FGF12: variants seen among roughly 807,000 people sequenced by gnomAD.
FGF12 encodes the protein fibroblast growth factor 12B.
A neutral mutation model predicts 23.6 loss-of-function variants in FGF12; 14 were observed. That is an observed-to-expected ratio of 0.59 (90% CI 0.39 to 0.93). The LOEUF (loss-of-function observed/expected upper bound fraction) is 0.93. Ranked by LOEUF, FGF12 falls within the 40% of genes least tolerant of loss-of-function variation. The probability of loss-of-function intolerance (pLI) is 0.00; values close to 1 mark genes in which losing one functional copy is unlikely to be tolerated. For synonymous variants in FGF12, 62 were observed against 77.3 expected (o/e 0.80, Z 1.04); for missense variants, 175 against 217.8 (o/e 0.80, Z 1.24).
rs1366570375 is a variant in FGF12 at position 192,409,032 on chromosome 3, C to T, written c.14-48494G>A. The T allele has an allele frequency of 1.0e-6, 1 of 983,104 alleles. No individual in the cohort carries two copies. The highest frequency in any genetic ancestry group is 1.8e-5 in the African/African-American group (1 of 56,408). The allele number at this position is 983,104 out of a possible 1,614,324, so 60.9% of individuals were successfully genotyped here. The stretch of plus-strand genomic sequence containing the variant: ...CTGTTTCCAGCTGCGGTGAGAGCAA[C>T]TCCCGGCCAGCAGCACTGCAAAGAG... On this transcript the variant is annotated intron_variant, in intron 2 of 5. Transcript: ENST00000445105. This position sits in a 1 kb window ranked among gnomAD's most constrained non-coding sequence, Gnocchi z 4.8.
chr3:192,711,350 G>T (rs560403735), intron 2 of FGF12, among the ~76,000 whole-genome samples: 2 of 151,474 alleles, frequency 1.3e-5, no homozygotes, highest in Non-Finnish European at 2.9e-5. Flanking sequence ...CCGCCCAGCC[G>T]CCGTCCCGTC....
chr3:192,318,416 G>A lies in FGF12; in HGVS notation c.228+16945C>T, dbSNP rs569190104. Reference sequence around the variant, plus strand: ...AGAAGAATCAAGGATAAGTTCTAGAGTTGGAAAACGCAACTGACATAGTGA... The same window carrying A: ...AGAAGAATCAAGGATAAGTTCTAGAATTGGAAAACGCAACTGACATAGTGA... On this transcript the variant is annotated intron_variant, in intron 4 of 5. Transcript: ENST00000445105. Among the ~76,000 whole-genome samples the A allele has an allele frequency of 2.0e-5, 3 of 152,282 alleles. No individual in the cohort carries two copies. The South Asian group carries it at 6.2e-4, about 32-fold the overall frequency.
chr3:192,263,028 T>G (rs1712858163), intron 4 of FGF12, among the ~76,000 whole-genome samples: 1 of 152,078 alleles, frequency 6.6e-6, no homozygotes, highest in Non-Finnish European at 1.5e-5. Context: ...AGCCTTTTCC[T>G]TTTAATTATG....
At chr3:192,216,784 G>C (rs1718213420) in intron 4 of FGF12, among the ~76,000 whole-genome samples, 1 of 152,164 alleles carries the variant, frequency 6.6e-6, no homozygotes, top group Non-Finnish European at 1.5e-5. Flanking sequence ...CTGAGGCCCA[G>C]AGAAATGCAA....
intron 4 of FGF12, among the ~76,000 whole-genome samples, chr3:192,231,280 G>GC (rs1252901455): frequency 6.6e-6 from 1 of 150,906 alleles, no homozygotes; most frequent in African/African-American, 2.4e-5. Flanking sequence ...TAGGTCACAG[G>GC]CCCCCCTTTT....
intron 2 of FGF12, among the ~76,000 whole-genome samples, chr3:192,428,517 A>T (rs1560108348): frequency 6.6e-6 from 1 of 152,194 alleles, no homozygotes; most frequent in Non-Finnish European, 1.5e-5. Context: ...TTAAAAAAGA[A>T]AAAAGAAAAA....
chr3:192,428,391 T>G (rs960435463), intron 2 of FGF12, among the ~76,000 whole-genome samples: 29 of 152,190 alleles, frequency 1.9e-4, no homozygotes, highest in African/African-American at 6.8e-4. Flanking sequence ...GGGAAATAAA[T>G]TACTATGTCT....
At chr3:192,600,891 G>T (rs940774520) in intron 2 of FGF12, among the ~76,000 whole-genome samples, 2 of 152,016 alleles carry the variant, frequency 1.3e-5, no homozygotes, top group South Asian at 2.1e-4. Context: ...CAGTATGGAG[G>T]TTCCTCAAAA....
At chr3:192,245,426 A>C (rs1711518056) in intron 4 of FGF12, among the ~76,000 whole-genome samples, 1 of 151,888 alleles carries the variant, frequency 6.6e-6, no homozygotes, top group East Asian at 1.9e-4. Context: ...CCAAGGACTT[A>C]CTGTTTACTC....
At chr3:192,323,111 C>T (rs1716635033) in intron 4 of FGF12, among the ~76,000 whole-genome samples, 1 of 152,186 alleles carries the variant, frequency 6.6e-6, no homozygotes, top group Non-Finnish European at 1.5e-5. Flanking sequence ...AAAACTTCAA[C>T]ACTGTTGATA....
chr3:192,369,418 T>G (rs1424094901), intron 2 of FGF12, among the ~76,000 whole-genome samples: 1 of 152,212 alleles, frequency 6.6e-6, no homozygotes, highest in Non-Finnish European at 1.5e-5. Flanking sequence ...TTGCCTCACA[T>G]TTCAACAGGA....
intron 2 of FGF12, among the ~76,000 whole-genome samples, chr3:192,442,975 T>G (rs1306789131): frequency 1.3e-5 from 2 of 151,830 alleles, no homozygotes; most frequent in African/African-American, 2.4e-5. Flanking sequence ...GCCCGGCTAA[T>G]TTTTTGTATT....
intron 4 of FGF12, among the ~76,000 whole-genome samples, chr3:192,299,885 C>G (rs1237393734): frequency 2.0e-5 from 3 of 152,152 alleles, no homozygotes; most frequent in Non-Finnish European, 4.4e-5. Context: ...GATAGTCTTT[C>G]CACAGATACA....
chr3:192,401,580 G>C (rs1720762992), intron 2 of FGF12, among the ~76,000 whole-genome samples: 1 of 152,110 alleles, frequency 6.6e-6, no homozygotes, highest in Non-Finnish European at 1.5e-5. Context: ...CTGTTCCCTT[G>C]CTTCTACTCT....
chr3:192,274,659 T>C (rs1328380448), intron 4 of FGF12, among the ~76,000 whole-genome samples: 1 of 152,176 alleles, frequency 6.6e-6, no homozygotes, highest in African/African-American at 2.4e-5. Flanking sequence ...CCCCTGGCTT[T>C]TCTGAAGTTG....
chr3:192,423,004 C>G (rs1285285146), intron 2 of FGF12, among the ~76,000 whole-genome samples: 1 of 152,090 alleles, frequency 6.6e-6, no homozygotes, highest in African/African-American at 2.4e-5. Flanking sequence ...CCATGCTTTC[C>G]CCTTCCAAAT....
chr3:192,282,986 C>T (rs1426557946), intron 4 of FGF12: 1 of 152,008 alleles, frequency 6.6e-6, no homozygotes, highest in Non-Finnish European at 1.5e-5. Flanking sequence ...AAGGGATGAC[C>T]ATGTTTTGCA....
chr3:192,200,919 G>T (rs1447842832), intron 4 of FGF12, among the ~76,000 whole-genome samples: 1 of 151,546 alleles, frequency 6.6e-6, no homozygotes, highest in Non-Finnish European at 1.5e-5. Flanking sequence ...AAAAAAAAAT[G>T]AGTGAGTAGG....
chr3:192,690,586 CAAAAA>C (rs35837229), intron 2 of FGF12, among the ~76,000 whole-genome samples: 1 of 92,114 alleles, frequency 1.1e-5, no homozygotes, highest in African/African-American at 4.0e-5. Context: ...CACAACACTA[CAAAAA>C]AAAAAAAAAA....
Sources: allele counts gnomAD v4.1 joint callset (sites outside exome capture counted in the v4.1 genomes callset), GRCh38; gene constraint gnomAD v4.1.1; non-coding constraint Gnocchi (gnomAD v3.1); transcripts MANE v1.5; gene names NCBI Gene and HGNC (gene_info 2026-07-23, HGNC 2026-07-21).